The following RBP5 variants were observed in gnomAD, a reference collection of about 807,000 sequenced individuals.
RBP5 encodes the protein retinol-binding protein 5.
A neutral mutation model predicts 17.8 loss-of-function variants in RBP5; 12 were observed. That is an observed-to-expected ratio of 0.67 (90% CI 0.43 to 1.09). RBP5 has a LOEUF of 1.09. Ranked by LOEUF, RBP5 falls within the 50% of genes least tolerant of loss-of-function variation. The pLI is 0.00. For missense variants in RBP5, 172 were observed against 169.4 expected (o/e 1.02, Z -0.09); for synonymous variants, 64 against 68.1 (o/e 0.94, Z 0.30).
At chr12:7,122,352 G>A (rs1461805299), downstream of RBP5, 1 of 152,256 alleles carries the variant, frequency 6.6e-6, no homozygotes, top group Non-Finnish European at 1.5e-5. Flanking sequence ...CTGGCCCCTG[G>A]AGAAGTGTGG....
chr12:7,129,655 G>T (rs1020230909), upstream of RBP5: 4 of 985,380 alleles, frequency 4.1e-6, no homozygotes, highest in Non-Finnish European at 4.8e-6. The surrounding 1 kb of genome is among the most constrained non-coding windows in gnomAD (Gnocchi z 5.5). Flanking sequence ...TGAAGGTGGG[G>T]TGGAGGCGCC....
At chr12:7,129,890 C>T (rs1939246273), upstream of RBP5, 1 of 838,228 alleles carries the variant, frequency 1.2e-6, no homozygotes, top group Non-Finnish European at 1.4e-6. This position sits in a 1 kb window ranked among gnomAD's most constrained non-coding sequence, Gnocchi z 5.5. Flanking sequence ...TCGATACCGC[C>T]CTGCGGACCG....
intron 2 of RBP5, chr12:7,127,572 A>G: frequency 1.6e-6 from 1 of 641,998 alleles, no homozygotes; most frequent in South Asian, 1.7e-5. Flanking sequence ...TTTCCCAAAT[A>G]TTTTTCCATT....
In RBP5 at chr12:7,124,193, T is replaced by A; in HGVS notation, c.355-19A>T. 2 of 1,613,496 alleles carry A rather than the reference T, an allele frequency of 1.2e-6. No homozygotes were observed. Among genetic ancestry groups the A allele is most frequent in the Non-Finnish European group, 1.7e-6 (2 of 1,179,678 alleles). On this transcript the variant is annotated intron_variant, in intron 3 of 3. Coordinates refer to ENST00000266560, the MANE Select transcript of RBP5 (RefSeq NM_031491.4). The surrounding 1 kb of genome is among the most constrained non-coding windows in gnomAD (Gnocchi z 5.3). ...TCAGTTCCTGGGGAGAGAGGGGAAGTGAGGGGGAGAGAGAAAGAGGGCGTT... is the reference window on the plus strand; with the variant it reads ...TCAGTTCCTGGGGAGAGAGGGGAAGAGAGGGGGAGAGAGAAAGAGGGCGTT...
downstream of RBP5, chr12:7,121,027 C>CA (rs111568025): frequency 0.021 from 1,917 of 91,786 alleles, 47 homozygotes; most frequent in East Asian, 0.17. Flanking sequence ...GATTCTGTCT[C>CA]AAAAAAAAAA....
rs186419541 is a variant in RBP5, at chr12:7,123,886, C to T, written c.*235G>A. On this transcript the variant is annotated 3_prime_UTR_variant, in exon 4 of 4. Coordinates refer to ENST00000266560, the MANE Select transcript of RBP5 (RefSeq NM_031491.4). The stretch of plus-strand genomic sequence containing the variant: ...CTTTGCCTGCTTCTTTCATTTGGGA[C>T]GCCAGACCTTGACCTGGAAGTGAGG... The T allele has an allele frequency of 1.8e-4, 92 of 497,878 alleles. No homozygotes were observed. The highest frequency in any genetic ancestry group is 9.8e-4 in the African/African-American group (51 of 52,206). The allele number at this position is 497,878 out of a possible 1,614,324, so 30.8% of individuals were successfully genotyped here.
At position 7,124,076 on chromosome 12, in the gene RBP5, G is replaced by T; in HGVS notation, c.*45C>A. ...GGCTTGAAGGGGGCACAACAAGAGC[G>T]TCTGTGAGCTGGTGCTGTCTGGAGG... On this transcript the variant is annotated 3_prime_UTR_variant, in exon 4 of 4. Coordinates refer to ENST00000266560, the MANE Select transcript of RBP5 (RefSeq NM_031491.4). The surrounding 1 kb of genome is among the most constrained non-coding windows in gnomAD (Gnocchi z 5.3). 6.3e-7 allele frequency: 1 copy of T among 1,584,778 alleles called. No homozygotes were observed. The highest frequency in any genetic ancestry group is 8.7e-7 in the Non-Finnish European group (1 of 1,153,318).
At chr12:7,126,454 G>A (rs1939160844) in intron 2 of RBP5, among the ~76,000 whole-genome samples, 1 of 150,896 alleles carries the variant, frequency 6.6e-6, no homozygotes, top group Non-Finnish European at 1.5e-5. Flanking sequence ...ACTGGGTAAT[G>A]CAGAAAAGCT....
chr12:7,119,323 G>A (rs755947468), downstream of RBP5, among the ~76,000 whole-genome samples: 3 of 151,768 alleles, frequency 2.0e-5, no homozygotes, highest in Non-Finnish European at 4.4e-5. Flanking sequence ...CTGCATTGAA[G>A]CCTTCTCTCC....
chr12:7,125,160 G>A (rs1361948572), intron 2 of RBP5, among the ~76,000 whole-genome samples: 3 of 152,248 alleles, frequency 2.0e-5, no homozygotes, highest in South Asian at 2.1e-4. Flanking sequence ...GCCCGCCACC[G>A]CTTCCTAAAG....
At chr12:7,123,485 G>A (rs1939109292), downstream of RBP5, among the ~76,000 whole-genome samples, 3 of 152,130 alleles carry the variant, frequency 2.0e-5, no homozygotes, top group South Asian at 6.2e-4. Flanking sequence ...GCCTCCCCAA[G>A]CACTGGACAA....
In RBP5 at chr12:7,124,401, G is replaced by C. The variant is rs1455913334; in HGVS notation, c.355-227C>G. On this transcript the variant is annotated intron_variant, in intron 3 of 3. Coordinates refer to ENST00000266560, the MANE Select transcript of RBP5 (RefSeq NM_031491.4). The surrounding 1 kb of genome is among the most constrained non-coding windows in gnomAD (Gnocchi z 5.3). ...TGGCTGAAGCCTCCATCTCGCCAGT[G>C]ATGATTTATGGGCATTCATCCGACT... Among the ~76,000 whole-genome samples the C allele has an allele frequency of 6.6e-6, 1 of 152,180 alleles. No individual in the cohort carries two copies. Among genetic ancestry groups the C allele is most frequent in the African/African-American group, 2.4e-5 (1 of 41,450 alleles).
At chr12:7,120,931 G>A (rs1387646739), downstream of RBP5, 3 of 152,016 alleles carry the variant, frequency 2.0e-5, no homozygotes, top group African/African-American at 7.3e-5. Context: ...AGGAGGCTGA[G>A]GCACAAGAAT....
chr12:7,118,289 C>G (rs146314183), intron 3 of RBP5: 5 of 152,224 alleles, frequency 3.3e-5, no homozygotes, highest in African/African-American at 4.8e-5. Context: ...TATGAGCGAG[C>G]CTCTTCCGAA....
Position 7,124,060 on chromosome 12 carries a change from G to T in RBP5, c.*61C>A. ...GACCTGGCACAATCTGGGCTTGAAG[G>T]GGGCACAACAAGAGCGTCTGTGAGC... is the stretch of plus-strand genomic sequence containing the variant. On this transcript the variant is annotated 3_prime_UTR_variant, in exon 4 of 4. Transcript: ENST00000266560. The surrounding 1 kb of genome is among the most constrained non-coding windows in gnomAD (Gnocchi z 5.3). The T allele has an allele frequency of 6.6e-7, 1 of 1,523,220 alleles. No individual in the cohort carries two copies. The allele number at this position is 1,523,220 out of a possible 1,614,324, so 94.4% of individuals were successfully genotyped here. A position where few individuals can be genotyped will look rare whatever the true frequency, so the allele number is the denominator to read the frequency against.
downstream of RBP5, among the ~76,000 whole-genome samples, chr12:7,123,378 C>T (rs1206061679): frequency 6.6e-6 from 1 of 152,194 alleles, no homozygotes; most frequent in African/African-American, 2.4e-5. Flanking sequence ...GACCTCACAT[C>T]CTCCGTCTAC....
upstream of RBP5, chr12:7,128,980 G>A (rs950448600): frequency 7.2e-6 from 4 of 556,118 alleles, no homozygotes; most frequent in Admixed American, 2.8e-5. This position sits in a 1 kb window ranked among gnomAD's most constrained non-coding sequence, Gnocchi z 5.3. Flanking sequence ...CGCATGGTGA[G>A]TTTGGGGGTG....
chr12:7,127,604 A>T (rs1165423700), intron 2 of RBP5: 1 of 681,028 alleles, frequency 1.5e-6, no homozygotes, highest in Admixed American at 2.2e-5. Flanking sequence ...GAAGCTGTGG[A>T]TGCAGAACCC....
chr12:7,117,845 C>T lies in RBP5; in HGVS notation n.890-538G>A, dbSNP rs1158102529. On this transcript the variant is annotated intron_variant and non_coding_transcript_variant, in intron 3 of 3. Coordinates refer to the RBP5 transcript ENST00000619522. This position sits in a 1 kb window ranked among gnomAD's most constrained non-coding sequence, Gnocchi z 4.9. ...GATCCCAGTTCCAGATCTCAGATCT[C>T]CCACACCCTGTGGGCTCTGTGTGGA... The T allele has an allele frequency of 1.3e-5, 2 of 152,158 alleles. No individual in the cohort carries two copies. The highest frequency in any genetic ancestry group is 2.9e-5 in the Non-Finnish European group (2 of 68,022). The allele number at this position is 152,158 out of a possible 1,614,324, so 9.4% of individuals were successfully genotyped here.
Sources: allele counts gnomAD v4.1 joint callset (sites outside exome capture counted in the v4.1 genomes callset), GRCh38; gene constraint gnomAD v4.1.1; non-coding constraint Gnocchi (gnomAD v3.1); transcripts MANE v1.5; gene names NCBI Gene and HGNC (gene_info 2026-07-23, HGNC 2026-07-21).